Variants in OLFM3 observed in about 807,000 individuals in gnomAD.
The protein encoded by OLFM3 is noelin-3.
In OLFM3, 20 loss-of-function variants were observed where a neutral mutation model predicts 48.6. That is an observed-to-expected ratio of 0.41 (90% CI 0.29 to 0.60). OLFM3 has a LOEUF of 0.60. OLFM3 is among the 20% of genes least tolerant of loss of function. The pLI, the probability that OLFM3 is intolerant of heterozygous loss-of-function variation, is 0.28. For missense variants in OLFM3, 437 were observed against 544.3 expected (o/e 0.80, Z 1.96); for synonymous variants, 222 against 198.1 (o/e 1.12, Z -1.01).
intron 4 of OLFM3, among the ~76,000 whole-genome samples, chr1:101,816,023 A>G (rs2100879203): frequency 6.6e-6 from 1 of 152,340 alleles, no homozygotes; most frequent in Admixed American, 6.5e-5. Flanking sequence ...ACGTGGTATT[A>G]AGAAATCCAA....
intron 1 of OLFM3, among the ~76,000 whole-genome samples, chr1:101,991,342 G>A (rs887696252): frequency 1.3e-5 from 2 of 152,020 alleles, no homozygotes; most frequent in African/African-American, 2.4e-5. Context: ...TGCCAATTAA[G>A]TTGTGTTTTG....
In OLFM3 at chr1:101,948,904, T is replaced by C. The variant is rs184355913; in HGVS notation, c.69+47844A>G. Reference sequence around the variant, plus strand: ...ATTGTTATAGATATATATTTTATGCTTATATATAATAAAATAAAAAACAAC... The same window carrying C: ...ATTGTTATAGATATATATTTTATGCCTATATATAATAAAATAAAAAACAAC... On this transcript the variant is annotated intron_variant, in intron 1 of 5. Transcript: ENST00000370103. 1.4e-3 allele frequency among the ~76,000 whole-genome samples: 208 copies of C among 148,554 alleles called. 1 individual carries two copies. The highest frequency in any genetic ancestry group is 2.3e-3 in the Non-Finnish European group (154 of 67,192).
chr1:101,864,601 T>C (rs541375611), intron 1 of OLFM3, among the ~76,000 whole-genome samples: 1 of 152,316 alleles, frequency 6.6e-6, no homozygotes, highest in South Asian at 2.1e-4. Context: ...ATAACCCTTC[T>C]TGTTTATAAT....
chr1:101,840,236 T>G (rs561322553), intron 1 of OLFM3, among the ~76,000 whole-genome samples: 9 of 152,208 alleles, frequency 5.9e-5, no homozygotes, highest in African/African-American at 2.2e-4. Flanking sequence ...CAATCATTAA[T>G]GGAGTTCTAT....
At chr1:101,898,226 G>C (rs1417647619) in intron 1 of OLFM3, among the ~76,000 whole-genome samples, 1 of 152,068 alleles carries the variant, frequency 6.6e-6, no homozygotes, top group Non-Finnish European at 1.5e-5. Context: ...TCATTATATA[G>C]AATATAATAT....
At chr1:101,957,448 G>T (rs1404496729) in intron 1 of OLFM3, among the ~76,000 whole-genome samples, 1 of 151,974 alleles carries the variant, frequency 6.6e-6, no homozygotes, top group East Asian at 1.9e-4. Flanking sequence ...ATGGGAAAAA[G>T]CTGGAAAGAC....
At chr1:101,840,136 G>A (rs6689334) in intron 1 of OLFM3, among the ~76,000 whole-genome samples, 3,378 of 152,178 alleles carry the variant, frequency 0.022, 110 homozygotes, top group African/African-American at 0.078. Flanking sequence ...ATGGAAGGAC[G>A]TATTTAGAAG....
chr1:101,950,015 G>A, intron 1 of OLFM3, among the ~76,000 whole-genome samples: 1 of 129,214 alleles, frequency 7.7e-6, no homozygotes, highest in Non-Finnish European at 1.6e-5. Context: ...GCGACAGAGT[G>A]AGACTCCGTC....
In OLFM3 at chr1:101,816,721, C is replaced by A. The variant is rs12095809; in HGVS notation, c.592+8305G>T. On this transcript the variant is annotated intron_variant, in intron 4 of 5. Coordinates refer to ENST00000370103, the MANE Select transcript of OLFM3 (RefSeq NM_058170.4). ...CATTTTTTCATTTTAACTAAGGGAA[C>A]ATTGAATAGATAGTGGATCAATAGC... Among the ~76,000 whole-genome samples, 868 of 152,168 alleles carry A rather than the reference C, an allele frequency of 5.7e-3. 10 individuals carry two copies. Among genetic ancestry groups the A allele is most frequent in the African/African-American group, 0.02 (810 of 41,528 alleles).
At position 101,836,879 on chromosome 1, in the gene OLFM3, C is replaced by A; in HGVS notation, c.216G>T (p.Lys72Asn). The A allele has an allele frequency of 1.2e-6, 2 of 1,614,064 alleles. No homozygotes were observed. The highest frequency in any genetic ancestry group is 2.2e-5 in the South Asian group (2 of 91,072). Residue 72 changes from lysine to asparagine, a missense_variant and splice_region_variant, in exon 2 of 6, where the codon AAG (lysine) becomes AAT (asparagine). Coordinates refer to ENST00000370103, the MANE Select transcript of OLFM3 (RefSeq NM_058170.4). ...KSRQLRQLLE[K>N]VQNMSQSIEV... ...TGCATAGGGGACACAGGACACCTACCTTTTCCAGTAGTTGGCGAAGTTGCC... is the reference window on the plus strand; with the variant it reads ...TGCATAGGGGACACAGGACACCTACATTTTCCAGTAGTTGGCGAAGTTGCC...
chr1:101,840,050 G>C (rs145512184), intron 1 of OLFM3, among the ~76,000 whole-genome samples: 1 of 151,996 alleles, frequency 6.6e-6, no homozygotes, highest in East Asian at 1.9e-4. Flanking sequence ...CTTTATGAGT[G>C]TTTCTAGTGT....
At chr1:101,836,732 C>A in intron 2 of OLFM3, 147 bp downstream of exon 2, 2 of 769,294 alleles carry the variant, frequency 2.6e-6, no homozygotes, top group Non-Finnish European at 4.2e-6. Context: ...TGAGGTAACC[C>A]TTTCAAGGAT....
chr1:101,959,407 A>AG (rs1660401312), intron 1 of OLFM3, among the ~76,000 whole-genome samples: 1 of 151,722 alleles, frequency 6.6e-6, no homozygotes, highest in Non-Finnish European at 1.5e-5. Flanking sequence ...CATAAGGATG[A>AG]GAAAAGACTG....
intron 2 of OLFM3, among the ~76,000 whole-genome samples, chr1:101,831,838 G>A (rs34066554): frequency 0.081 from 12,308 of 152,248 alleles, 652 homozygotes; most frequent in Middle Eastern, 0.13. Context: ...AATATAGAAA[G>A]ATTTCAATGA....
intron 1 of OLFM3, among the ~76,000 whole-genome samples, chr1:101,993,619 C>G (rs1463633666): frequency 6.6e-6 from 1 of 152,040 alleles, no homozygotes. Flanking sequence ...TGGAAACTTA[C>G]TAATTATACT....
chr1:101,844,771 T>G (rs1655904080), intron 1 of OLFM3, among the ~76,000 whole-genome samples: 1 of 152,210 alleles, frequency 6.6e-6, no homozygotes, highest in African/African-American at 2.4e-5. Context: ...ATTTTCATTT[T>G]GTTTTATTCA....
At chr1:101,926,203 G>A (rs932453252) in intron 1 of OLFM3, among the ~76,000 whole-genome samples, 3 of 152,138 alleles carry the variant, frequency 2.0e-5, no homozygotes, top group Admixed American at 6.6e-5. Context: ...CAAGTAAGCC[G>A]TATTCAACCA....
chr1:101,952,011 C>G (rs1536567), intron 1 of OLFM3, among the ~76,000 whole-genome samples: 79,365 of 151,810 alleles, frequency 0.52, 21,147 homozygotes, highest in Middle Eastern at 0.62. Flanking sequence ...AAAAACATTA[C>G]CAAATATTTA....
intron 1 of OLFM3, among the ~76,000 whole-genome samples, chr1:101,876,257 G>C (rs1308923309): frequency 6.6e-6 from 1 of 151,908 alleles, no homozygotes; most frequent in Non-Finnish European, 1.5e-5. Context: ...AACAGCCTTA[G>C]AGTGCAAACC....
Sources: allele counts gnomAD v4.1 joint callset (sites outside exome capture counted in the v4.1 genomes callset), GRCh38; gene constraint gnomAD v4.1.1; transcripts MANE v1.5; gene names NCBI Gene and HGNC (gene_info 2026-07-23, HGNC 2026-07-21).